The following RPS6KC1 variants were observed in gnomAD, a reference collection of about 807,000 sequenced individuals.
The protein encoded by RPS6KC1 is inactive ribosomal protein S6 kinase delta-1.
RPS6KC1 carries 54 observed loss-of-function variants against 103.8 expected under a neutral mutation model. The ratio of observed to expected loss-of-function variants is 0.52; its 90% CI spans 0.42 to 0.65. The LOEUF (loss-of-function observed/expected upper bound fraction) is 0.65, where lower values mean the gene tolerates loss of function less well. Among genes scored for constraint, RPS6KC1 ranks in the 30% least tolerant of loss-of-function variants. The pLI is 0.00. For synonymous variants in RPS6KC1, 439 were observed against 438.7 expected, an observed-to-expected ratio of 1.00 and a Z score of -0.01; for missense variants, 1,151 against 1,253.8, an observed-to-expected ratio of 0.92 and a Z score of 1.24.
the RPS6KC1 span, among the ~76,000 whole-genome samples, chr1:213,800,336 G>T: frequency 6.6e-6 from 1 of 152,242 alleles, no homozygotes; most frequent in Non-Finnish European, 1.5e-5. Flanking sequence ...TGTTGGAGTG[G>T]CTTGCTTCCG....
chr1:213,485,523 T>A, the RPS6KC1 span, among the ~76,000 whole-genome samples: 1 of 152,182 alleles, frequency 6.6e-6, no homozygotes, highest in East Asian at 1.9e-4. Context: ...GGAAGAACCA[T>A]ATTTTCATCA....
At chr1:213,601,802 C>A in the RPS6KC1 span, among the ~76,000 whole-genome samples, 1 of 152,016 alleles carries the variant, frequency 6.6e-6, no homozygotes, top group African/African-American at 2.4e-5. Flanking sequence ...TTCTAAGAGG[C>A]TGGAGAAAAA....
At chr1:213,781,169 C>T in the RPS6KC1 span, among the ~76,000 whole-genome samples, 3 of 152,258 alleles carry the variant, frequency 2.0e-5, no homozygotes, top group East Asian at 3.9e-4. Context: ...ATCACAATAA[C>T]GTAAAGGTCA....
At chr1:213,162,372 C>T (rs1185111146) in intron 6 of RPS6KC1, among the ~76,000 whole-genome samples, 1 of 152,116 alleles carries the variant, frequency 6.6e-6, no homozygotes, top group Non-Finnish European at 1.5e-5. Context: ...CCTTGAACCC[C>T]TGGGCTCAAG....
chr1:213,589,633 ACT>A, the RPS6KC1 span, among the ~76,000 whole-genome samples: 1 of 120,556 alleles, frequency 8.3e-6, no homozygotes, highest in Non-Finnish European at 1.8e-5. Context: ...CAAGAGTGAA[ACT>A]CTGTTTCAAA....
chr1:213,471,601 T>G, the RPS6KC1 span, among the ~76,000 whole-genome samples: 8 of 152,266 alleles, frequency 5.3e-5, no homozygotes, highest in Non-Finnish European at 8.8e-5. Context: ...GTTTCCCTTT[T>G]CTAAACATAA....
the RPS6KC1 span, among the ~76,000 whole-genome samples, chr1:213,287,360 G>A: frequency 6.6e-6 from 1 of 152,048 alleles, no homozygotes; most frequent in Non-Finnish European, 1.5e-5. Flanking sequence ...GCTACTGCTA[G>A]CCTTTATTGG....
Position 213,266,887 on chromosome 1 carries a change from T to G in RPS6KC1, c.3090+4071T>G, listed in dbSNP as rs12061530. On this transcript the variant is annotated intron_variant, in intron 14 of 14. Coordinates refer to ENST00000366960, the MANE Select transcript of RPS6KC1 (RefSeq NM_012424.6). ...CACTGCACTCCAGCCTGGGCAACAA[T>G]ATTGAGGCTCCGTCTCAAACAAACA... is the stretch of plus-strand genomic sequence containing the variant. 7.1e-3 allele frequency among the ~76,000 whole-genome samples: 1,060 copies of G among 149,730 alleles called. 16 individuals are homozygous for G. Among genetic ancestry groups the G allele is most frequent in the African/African-American group, 0.024 (1,004 of 41,146 alleles).
the RPS6KC1 span, among the ~76,000 whole-genome samples, chr1:213,777,395 C>T: frequency 2.6e-5 from 4 of 152,072 alleles, no homozygotes; most frequent in East Asian, 7.7e-4. Flanking sequence ...GGGGAATAGG[C>T]CTAAGGAAGA....
At chr1:213,076,645 A>C (rs1185127465) in intron 2 of RPS6KC1, among the ~76,000 whole-genome samples, 1 of 152,016 alleles carries the variant, frequency 6.6e-6, no homozygotes, top group Non-Finnish European at 1.5e-5. Flanking sequence ...AATCTGAGTA[A>C]GGTTAAATAA....
chr1:213,752,132 G>A, the RPS6KC1 span, among the ~76,000 whole-genome samples: 26 of 152,088 alleles, frequency 1.7e-4, no homozygotes, highest in Admixed American at 1.6e-3. Flanking sequence ...TGAACAGAGG[G>A]CCCATTTTAT....
At position 213,147,600 on chromosome 1, in the gene RPS6KC1, T is replaced by C. The variant is rs180941327; in HGVS notation, c.835+17711T>C. 3.9e-4 allele frequency among the ~76,000 whole-genome samples: 59 copies of C among 152,330 alleles called. No homozygotes were observed. In the East Asian group the frequency reaches 4.4e-3, roughly 11 times the overall value. On this transcript the variant is annotated intron_variant, in intron 6 of 14. Coordinates refer to ENST00000366960, the MANE Select transcript of RPS6KC1 (RefSeq NM_012424.6). The stretch of plus-strand genomic sequence containing the variant: ...AGCTTGCTGTTTTGGTTACAATGGC[T>C]CTGTAGCATAATTTGAAGTCAGGTT...
chr1:213,840,298 C>A, the RPS6KC1 span: 2 of 152,178 alleles, frequency 1.3e-5, no homozygotes, highest in Non-Finnish European at 2.9e-5. Context: ...GTTTCCCTGT[C>A]AAAACTTTAA....
At chr1:213,656,455 A>G in the RPS6KC1 span, among the ~76,000 whole-genome samples, 2 of 152,250 alleles carry the variant, frequency 1.3e-5, no homozygotes, top group African/African-American at 4.8e-5. Flanking sequence ...TCTTAATTAC[A>G]ACAGCAGTGG....
chr1:213,217,872 T>G (rs143707102), intron 8 of RPS6KC1, among the ~76,000 whole-genome samples: 68,558 of 151,974 alleles, frequency 0.45, 19,224 homozygotes, highest in Non-Finnish European at 0.62. Flanking sequence ...GGGATGTATC[T>G]CAAAATAATA....
At chr1:213,065,298 A>G (rs2078233048) in intron 1 of RPS6KC1, among the ~76,000 whole-genome samples, 1 of 152,220 alleles carries the variant, frequency 6.6e-6, no homozygotes, top group Non-Finnish European at 1.5e-5. Context: ...TAATGAAAAC[A>G]GTCACTGTTT....
At chr1:213,862,147 A>C in the RPS6KC1 span, among the ~76,000 whole-genome samples, 1 of 152,078 alleles carries the variant, frequency 6.6e-6, no homozygotes, top group East Asian at 1.9e-4. Context: ...CGTATAGACC[A>C]TTTGCTGCAC....
At position 213,059,606 on chromosome 1, in the gene RPS6KC1, C is replaced by T. The variant is rs540253385; in HGVS notation, c.105+8097C>T. Among the ~76,000 whole-genome samples the T allele has an allele frequency of 2.4e-4, 37 of 152,238 alleles. No individual in the cohort carries two copies. The South Asian group carries it at 3.3e-3, about 14-fold the overall frequency. ...TCAGCTCACTGCAGCCTCCGCCTTCCGGGTTCAAGTGATTCTCCTGCCTCA... is the reference window on the plus strand; with the variant it reads ...TCAGCTCACTGCAGCCTCCGCCTTCTGGGTTCAAGTGATTCTCCTGCCTCA... On this transcript the variant is annotated intron_variant, in intron 1 of 14. Coordinates refer to ENST00000366960, the MANE Select transcript of RPS6KC1 (RefSeq NM_012424.6).
At chr1:213,296,061 T>G in the RPS6KC1 span, among the ~76,000 whole-genome samples, 1 of 152,244 alleles carries the variant, frequency 6.6e-6, no homozygotes, top group Non-Finnish European at 1.5e-5. Flanking sequence ...ATTTGGAATC[T>G]TTGAATCATT....
Sources: allele counts gnomAD v4.1 joint callset (sites outside exome capture counted in the v4.1 genomes callset), GRCh38; gene constraint gnomAD v4.1.1; transcripts MANE v1.5; gene names NCBI Gene and HGNC (gene_info 2026-07-23, HGNC 2026-07-21).